The following LCOR variants were observed in gnomAD, a reference collection of about 807,000 sequenced individuals.
LCOR encodes ligand dependent nuclear receptor corepressor.
In LCOR, 14 loss-of-function variants were observed where a neutral mutation model predicts 64.4. That is an observed-to-expected ratio of 0.22 (90% CI 0.14 to 0.34). LCOR has a LOEUF of 0.34. Among genes scored for constraint, LCOR ranks in the 10% least tolerant of loss-of-function variants. The pLI is 1.00. For missense variants in LCOR, 1,686 were observed against 1,765.3 expected (o/e 0.96, Z 0.80); for synonymous variants, 643 against 642.5 (o/e 1.00, Z -0.01).
chr10:96,952,066 T>G, intron 6 of LCOR, 37 bp from the exon 7 acceptor site: 1 of 1,493,916 alleles, frequency 6.7e-7, no homozygotes, highest in South Asian at 1.1e-5. Context: ...TGCTCCTAGC[T>G]TTTAATATCC....
Position 96,982,858 on chromosome 10 carries a change from T to C in LCOR, c.2398T>C (p.Leu800=). The part of the protein sequence containing the change: ...DTSIDSLEEN[L]DKKKKGKKFP... ...AAGCATTGACTCACTCGAAGAGAATTTGGACAAGAAGAAAAAAGGTAAAAA... is the reference window on the plus strand; with the variant it reads ...AAGCATTGACTCACTCGAAGAGAATCTGGACAAGAAGAAAAAAGGTAAAAA... The change falls in exon 8 of 8, where the codon TTG becomes CTG. Residue 800 remains leucine, a synonymous_variant. Transcript: ENST00000421806. 1.2e-6 allele frequency: 2 copies of C among 1,613,952 alleles called. No homozygotes were observed. The highest frequency in any genetic ancestry group is 1.7e-6 in the Non-Finnish European group (2 of 1,180,008).
At chr10:96,854,814 G>C (rs373712435) in intron 2 of LCOR, among the ~76,000 whole-genome samples, 6 of 152,300 alleles carry the variant, frequency 3.9e-5, no homozygotes, top group African/African-American at 1.2e-4. Flanking sequence ...TCTGACTTCA[G>C]AGTGTAATTG....
rs930200202 is a variant in LCOR, at chr10:96,832,846, G to GGCC, written c.-404+455_-404+457dup. On this transcript the variant is annotated intron_variant, in intron 1 of 7. Transcript: ENST00000421806. Reference sequence around the variant, plus strand: ...CGTGCTCGGCCCCCACCCGCGCTGTGGCCGCCGCCGTCCTCCTCCTGCGCC... The same window carrying GGCC: ...CGTGCTCGGCCCCCACCCGCGCTGTGGCCGCCGCCGCCGTCCTCCTCCTGCGCC... 9.9e-6 allele frequency: 3 copies of GGCC among 302,122 alleles called. No individual in the cohort carries two copies. In the Admixed American group the frequency reaches 2.0e-4, roughly 20 times the overall value. 18.7% of individuals were successfully genotyped at this position (302,122 alleles called of 1,614,324 possible). A position where few individuals can be genotyped will look rare whatever the true frequency, so the allele number is the denominator to read the frequency against.
At chr10:96,891,988 A>C (rs1846453637) in intron 2 of LCOR, among the ~76,000 whole-genome samples, 1 of 152,290 alleles carries the variant, frequency 6.6e-6, no homozygotes, top group South Asian at 2.1e-4. Context: ...GTCTTTTGAA[A>C]TTTACGGCAA....
At chr10:96,955,964 A>G in intron 7 of LCOR, 2 of 1,566,192 alleles carry the variant, frequency 1.3e-6, no homozygotes, top group South Asian at 1.2e-5. Flanking sequence ...CTGGGTGAGC[A>G]CTACTGCATC....
intron 7 of LCOR, chr10:96,964,372 T>C (rs1367067532): frequency 6.6e-6 from 1 of 152,160 alleles, no homozygotes; most frequent in Non-Finnish European, 1.5e-5. Context: ...TTGTGTATGG[T>C]AGTTCTCACT....
At chr10:96,855,003 C>T (rs1263051837) in intron 2 of LCOR, among the ~76,000 whole-genome samples, 1 of 152,072 alleles carries the variant, frequency 6.6e-6, no homozygotes, top group Non-Finnish European at 1.5e-5. Context: ...TCTTGATTTT[C>T]TTTTAGGGAG....
chr10:96,862,703 C>G (rs1340157636), intron 2 of LCOR, among the ~76,000 whole-genome samples: 1 of 152,186 alleles, frequency 6.6e-6, no homozygotes, highest in Non-Finnish European at 1.5e-5. Flanking sequence ...TGGCCAGCTC[C>G]TATCCTCAAG....
At chr10:96,912,479 G>T (rs967025895) in intron 4 of LCOR, among the ~76,000 whole-genome samples, 4 of 152,188 alleles carry the variant, frequency 2.6e-5, no homozygotes, top group African/African-American at 9.6e-5. Context: ...TCCAGTCCAG[G>T]ATTACAGTCT....
chr10:96,842,621 T>TC (rs1373995373), intron 2 of LCOR, among the ~76,000 whole-genome samples: 1 of 151,052 alleles, frequency 6.6e-6, no homozygotes, highest in Non-Finnish European at 1.5e-5. Context: ...TGCTTTTTTT[T>TC]CTTTTCTTTT....
At position 96,989,697 on chromosome 10, in the gene LCOR, T is replaced by TATATA. The variant is rs1564647797; in HGVS notation, c.*4563_*4564insATATA. The TATATA allele has an allele frequency of 7.8e-3, 364 of 46,946 alleles. No individual in the cohort carries two copies. Among genetic ancestry groups the TATATA allele is most frequent in the African/African-American group, 0.039 (328 of 8,432 alleles). 2.9% of individuals were successfully genotyped at this position (46,946 alleles called of 1,614,324 possible). A position where few individuals can be genotyped will look rare whatever the true frequency, so the allele number is the denominator to read the frequency against. On this transcript the variant is annotated 3_prime_UTR_variant, in exon 8 of 8. Coordinates refer to ENST00000421806, the MANE Select transcript of LCOR (RefSeq NM_001346516.2). ...AGGATATATATATATATATATATAT[T>TATATA]TTTTTTTTTTTTTTTTTTTTTTAAT...
intron 7 of LCOR, chr10:96,957,243 T>A (rs1847799380): frequency 1.0e-6 from 1 of 985,046 alleles, no homozygotes; most frequent in Admixed American, 6.2e-5. Context: ...AATACCCCCC[T>A]TCTTGACTTT....
At chr10:96,840,618 A>C (rs1845523598) in intron 2 of LCOR, among the ~76,000 whole-genome samples, 1 of 152,180 alleles carries the variant, frequency 6.6e-6, no homozygotes, top group African/African-American at 2.4e-5. Flanking sequence ...TATTTTTTAA[A>C]ATTTAGATTA....
chr10:96,832,988 G>C (rs1845371823), intron 1 of LCOR: 1 of 984,964 alleles, frequency 1.0e-6, no homozygotes, highest in Non-Finnish European at 1.2e-6. Flanking sequence ...GGGGCGGAGG[G>C]AGCTGGAGCT....
intron 2 of LCOR, among the ~76,000 whole-genome samples, chr10:96,845,631 C>T (rs1845616428): frequency 6.6e-6 from 1 of 151,050 alleles, no homozygotes; most frequent in Non-Finnish European, 1.5e-5. Context: ...CCTCGCCCGG[C>T]TAATTTTTTG....
intron 7 of LCOR, chr10:96,956,648 T>C: frequency 1.0e-6 from 1 of 985,890 alleles, no homozygotes; most frequent in Non-Finnish European, 1.2e-6. Context: ...AACACTACCT[T>C]TGCTGTAATT....
chr10:96,947,664 TTTAA>T (rs1847611696), intron 5 of LCOR, among the ~76,000 whole-genome samples: 1 of 151,844 alleles, frequency 6.6e-6, no homozygotes, highest in African/African-American at 2.4e-5. Context: ...GGGGAAGAGT[TTTAA>T]TTGAGAGTCT....
intron 2 of LCOR, among the ~76,000 whole-genome samples, chr10:96,896,839 T>C (rs987189102): frequency 1.3e-5 from 2 of 152,078 alleles, no homozygotes; most frequent in African/African-American, 4.8e-5. Flanking sequence ...TGGGGCTAAC[T>C]CTGGAAAGAA....
At chr10:96,835,298 A>T (rs1845423706) in intron 2 of LCOR, among the ~76,000 whole-genome samples, 1 of 152,224 alleles carries the variant, frequency 6.6e-6, no homozygotes, top group Non-Finnish European at 1.5e-5. Context: ...GGCAAATTTT[A>T]ATCTGGTGAT....
Sources: allele counts gnomAD v4.1 joint callset (sites outside exome capture counted in the v4.1 genomes callset), GRCh38; gene constraint gnomAD v4.1.1; transcripts MANE v1.5; gene names NCBI Gene and HGNC (gene_info 2026-07-23, HGNC 2026-07-21).